BABAM2: variants seen among roughly 807,000 people sequenced by gnomAD.
BABAM2 encodes BRISC and BRCA1 A complex member 2.
A neutral mutation model predicts 54.7 loss-of-function variants in BABAM2; 31 were observed. The observed-to-expected ratio is 0.57, with a 90% CI of 0.43 to 0.77. The LOEUF is 0.77. BABAM2 is among the 30% of genes least tolerant of loss of function. The pLI is 0.00. For missense variants in BABAM2, 364 were observed against 455.8 expected (o/e 0.80, Z 1.83); for synonymous variants, 167 against 162.9 (o/e 1.03, Z -0.19).
rs910152727 is a variant in BABAM2, at chr2:28,338,682, T to C, written c.*169T>C. 6 of 690,022 alleles carry C rather than the reference T, an allele frequency of 8.7e-6. No individual in the cohort carries two copies. In the African/African-American group the frequency reaches 1.1e-4, roughly 12 times the overall value. The allele number at this position is 690,022 out of a possible 1,614,324, so 42.7% of individuals were successfully genotyped here. A position where few individuals can be genotyped will look rare whatever the true frequency, so the allele number is the denominator to read the frequency against. On this transcript the variant is annotated 3_prime_UTR_variant, in exon 12 of 12. Coordinates refer to ENST00000379624, the MANE Select transcript of BABAM2 (RefSeq NM_199191.3). ...CCGACTGCTGAAATCCAACTTGAGC[T>C]GGCTGGTGGTCCCTGGATCCTAGAG... is the stretch of plus-strand genomic sequence containing the variant.
intron 7 of BABAM2, 59 bp from the exon 8 acceptor site, chr2:28,237,143 T>A: frequency 6.9e-7 from 1 of 1,453,868 alleles, no homozygotes; most frequent in Non-Finnish European, 9.6e-7. Flanking sequence ...CTTGGGGGTG[T>A]CACTTCTTAA....
intron 7 of BABAM2, among the ~76,000 whole-genome samples, chr2:28,161,393 A>C (rs1673077186): frequency 6.6e-6 from 1 of 152,062 alleles, no homozygotes; most frequent in Non-Finnish European, 1.5e-5. Flanking sequence ...AGGGAATGGG[A>C]ATGGGGATGG....
At chr2:28,135,729 C>T (rs1007507770) in intron 7 of BABAM2, among the ~76,000 whole-genome samples, 1 of 152,154 alleles carries the variant, frequency 6.6e-6, no homozygotes, top group African/African-American at 2.4e-5. Flanking sequence ...ATCTTAAAGG[C>T]ATTGACCATA....
chr2:27,907,262 T>G (rs1373621016), intron 2 of BABAM2, among the ~76,000 whole-genome samples: 1 of 152,074 alleles, frequency 6.6e-6, no homozygotes, highest in Non-Finnish European at 1.5e-5. Context: ...CATCTTTTTT[T>G]TTTTTGTTTT....
intron 7 of BABAM2, among the ~76,000 whole-genome samples, chr2:28,134,150 G>C (rs1670330936): frequency 1.6e-5 from 2 of 128,614 alleles, no homozygotes; most frequent in South Asian, 4.9e-4. Context: ...CGTTGAATTA[G>C]ACACGAGTAA....
intron 2 of BABAM2, among the ~76,000 whole-genome samples, chr2:27,925,099 T>TGGG (rs1667591059): frequency 6.6e-6 from 1 of 152,196 alleles, no homozygotes; most frequent in African/African-American, 2.4e-5. Flanking sequence ...AGTGTGCTTT[T>TGGG]GGGAAGTATT....
At position 27,926,489 on chromosome 2, in the gene BABAM2, A is replaced by G. The variant is rs1667715818; in HGVS notation, c.129-3343A>G. On this transcript the variant is annotated intron_variant, in intron 2 of 11. Transcript: ENST00000379624. Reference sequence around the variant, plus strand: ...CATGGTGGGCCCCTTTGTGTTATTCAGTTTTCGGATTTCACCTCCTCCAGA... The same window carrying G: ...CATGGTGGGCCCCTTTGTGTTATTCGGTTTTCGGATTTCACCTCCTCCAGA... Among the ~76,000 whole-genome samples, 6 of 152,230 alleles carry G rather than the reference A, an allele frequency of 3.9e-5. No homozygotes were observed. In the South Asian group the frequency reaches 1.2e-3, roughly 32 times the overall value.
At chr2:28,057,075 T>C (rs1573489542) in intron 6 of BABAM2, among the ~76,000 whole-genome samples, 2 of 152,242 alleles carry the variant, frequency 1.3e-5, no homozygotes, top group East Asian at 1.9e-4. Context: ...CTTTGCACTT[T>C]CCAAATATGT....
intron 6 of BABAM2, among the ~76,000 whole-genome samples, chr2:28,070,832 T>A (rs1664068789): frequency 6.6e-6 from 1 of 152,278 alleles, no homozygotes; most frequent in East Asian, 1.9e-4. Flanking sequence ...TGAACTTTAC[T>A]CTCAAGTAAA....
At chr2:27,929,027 G>A (rs1467264750) in intron 2 of BABAM2, among the ~76,000 whole-genome samples, 18 of 143,896 alleles carry the variant, frequency 1.3e-4, no homozygotes, top group Non-Finnish European at 1.5e-5. Context: ...ACCACCCTGG[G>A]TAACATAGTG....
chr2:28,026,770 T>A (rs1338592859), intron 5 of BABAM2, among the ~76,000 whole-genome samples: 8 of 74,344 alleles, frequency 1.1e-4, no homozygotes, highest in African/African-American at 2.1e-4. Flanking sequence ...TCTATATAAA[T>A]ATATAAAAAA....
chr2:27,924,846 G>T (rs1401722250), intron 2 of BABAM2, among the ~76,000 whole-genome samples: 2 of 152,144 alleles, frequency 1.3e-5, no homozygotes, highest in Non-Finnish European at 2.9e-5. Flanking sequence ...ACATGGCACT[G>T]GCTTGTTTCC....
At chr2:28,155,967 A>G (rs965243272) in intron 7 of BABAM2, among the ~76,000 whole-genome samples, 1 of 152,240 alleles carries the variant, frequency 6.6e-6, no homozygotes. Context: ...ATTTACCTCT[A>G]TTCACTAGAT....
chr2:28,035,150 C>T (rs1009545528), intron 5 of BABAM2, among the ~76,000 whole-genome samples: 2 of 152,212 alleles, frequency 1.3e-5, no homozygotes, highest in African/African-American at 2.4e-5. Context: ...GTATTATTAG[C>T]TTTTCACCTG....
At chr2:28,258,615 C>CTTTTCTTTTTTTTT (rs752905871) in intron 10 of BABAM2, among the ~76,000 whole-genome samples, 152 of 99,998 alleles carry the variant, frequency 1.5e-3, no homozygotes, top group African/African-American at 5.4e-3. Context: ...TTTTTCTTTT[C>CTTTTCTTTTTTTTT]TTTTTTTTTT....
chr2:27,900,949 A>G (rs1035678042), intron 2 of BABAM2, among the ~76,000 whole-genome samples: 1 of 150,778 alleles, frequency 6.6e-6, no homozygotes, highest in Non-Finnish European at 1.5e-5. Context: ...AGGCTGAGGC[A>G]GGAGAATGGC....
At chr2:27,952,499 T>C (rs1669805358) in intron 3 of BABAM2, among the ~76,000 whole-genome samples, 1 of 152,210 alleles carries the variant, frequency 6.6e-6, no homozygotes, top group Non-Finnish European at 1.5e-5. Context: ...GGCCTCATAA[T>C]GAAGGGTGTT....
At chr2:28,003,644 A>G (rs1385831016) in intron 4 of BABAM2, among the ~76,000 whole-genome samples, 1 of 152,178 alleles carries the variant, frequency 6.6e-6, no homozygotes, top group Non-Finnish European at 1.5e-5. Context: ...GTCGAGAACT[A>G]CAGGTATTGA....
At chr2:27,963,516 A>G (rs1318997289) in intron 3 of BABAM2, among the ~76,000 whole-genome samples, 2 of 151,354 alleles carry the variant, frequency 1.3e-5, no homozygotes, top group Non-Finnish European at 2.9e-5. Flanking sequence ...AAGGAAGGAT[A>G]TATTCTTAAA....
Sources: allele counts gnomAD v4.1 joint callset (sites outside exome capture counted in the v4.1 genomes callset), GRCh38; gene constraint gnomAD v4.1.1; transcripts MANE v1.5; gene names NCBI Gene and HGNC (gene_info 2026-07-23, HGNC 2026-07-21).